The following TAFA2 variants were observed in gnomAD, a reference collection of about 807,000 sequenced individuals.
The protein encoded by TAFA2 is chemokine-like protein TAFA-2.
In TAFA2, 7 loss-of-function variants were observed where a neutral mutation model predicts 18.8. The ratio of observed to expected loss-of-function variants is 0.37; its 90% CI spans 0.21 to 0.70. The LOEUF is 0.70. Among genes scored for constraint, TAFA2 ranks in the 30% least tolerant of loss-of-function variants. The pLI is 0.53. For missense variants in TAFA2, 122 were observed against 158.1 expected (o/e 0.77, Z 1.23); for synonymous variants, 60 against 54.2 (o/e 1.11, Z -0.47).
Position 61,811,519 on chromosome 12 carries a change from G to A in TAFA2, c.106+55801C>T, listed in dbSNP as rs540884482. Among the ~76,000 whole-genome samples, 19 of 151,540 alleles carry A rather than the reference G, an allele frequency of 1.3e-4. 1 individual carries two copies. In the South Asian group the frequency reaches 3.1e-3, roughly 25 times the overall value. On this transcript the variant is annotated intron_variant, in intron 2 of 4. Transcript: ENST00000416284. ...CAAAGACTGTGGGAAATAGAAATAC[G>A]TAAAGGACATGAACTATGACACAAG...
chr12:62,018,307 C>T (rs1429611268), intron 1 of TAFA2, among the ~76,000 whole-genome samples: 1 of 152,166 alleles, frequency 6.6e-6, no homozygotes, highest in African/African-American at 2.4e-5. Context: ...GTGAAATCCC[C>T]AGTATTATTA....
chr12:61,836,794 A>C (rs1872951999), intron 2 of TAFA2, among the ~76,000 whole-genome samples: 1 of 127,650 alleles, frequency 7.8e-6, no homozygotes, highest in Non-Finnish European at 1.8e-5. Context: ...TCATTGTTAT[A>C]ATATACTTTT....
intron 2 of TAFA2, among the ~76,000 whole-genome samples, chr12:61,849,697 G>A (rs534944425): frequency 3.0e-4 from 46 of 152,150 alleles, no homozygotes; most frequent in Non-Finnish European, 5.1e-4. Flanking sequence ...TAAGGAAGGC[G>A]TTCACAGAGC....
Position 61,710,304 on chromosome 12 carries a change from C to A in TAFA2, c.*102G>T. ...GAAATAGACTATTGAGCGCCTCTTT[C>A]AAGTGGTATAAAAATCTTCAAGATC... On this transcript the variant is annotated 3_prime_UTR_variant, in exon 5 of 5. Transcript: ENST00000416284. 9.2e-7 allele frequency: 1 copy of A among 1,083,982 alleles called. No homozygotes were observed. The highest frequency in any genetic ancestry group is 1.3e-5 in the South Asian group (1 of 77,290). The allele number at this position is 1,083,982 out of a possible 1,614,324, so 67.1% of individuals were successfully genotyped here.
At chr12:61,859,264 A>T (rs529295107) in intron 2 of TAFA2, among the ~76,000 whole-genome samples, 1 of 152,252 alleles carries the variant, frequency 6.6e-6, no homozygotes, top group South Asian at 2.1e-4. Flanking sequence ...AAACCATCAG[A>T]TCTCGTGAGA....
chr12:61,950,954 G>A (rs1447886472), intron 1 of TAFA2, among the ~76,000 whole-genome samples: 2 of 152,160 alleles, frequency 1.3e-5, no homozygotes, highest in Non-Finnish European at 2.9e-5. Flanking sequence ...AGGAAAGGTA[G>A]AGTCTTCTTT....
chr12:62,057,009 C>T (rs999283977), intron 1 of TAFA2, among the ~76,000 whole-genome samples: 3 of 152,250 alleles, frequency 2.0e-5, no homozygotes, highest in East Asian at 3.9e-4. Flanking sequence ...CAAGAGTGTA[C>T]GTACCTCCAT....
chr12:62,114,175 G>A lies in TAFA2; in HGVS notation c.-2+77084C>T, dbSNP rs1315392136. On this transcript the variant is annotated intron_variant, in intron 1 of 4. Transcript: ENST00000416284. ...AAGTTGTGAAGACCATGGGAAAAGC[G>A]TAGTATCTGGGCCAGAATGCACCAT... 7.9e-5 allele frequency among the ~76,000 whole-genome samples: 12 copies of A among 152,286 alleles called. 1 individual carries two copies. Among genetic ancestry groups the A allele is most frequent in the South Asian group, 4.2e-4 (2 of 4,818 alleles).
At chr12:61,767,799 T>C (rs1869854545) in intron 2 of TAFA2, among the ~76,000 whole-genome samples, 1 of 151,514 alleles carries the variant, frequency 6.6e-6, no homozygotes, top group African/African-American at 2.4e-5. Context: ...TTTTAGTTTT[T>C]AGAAAAAAAA....
chr12:62,052,630 G>T (rs1215924949), intron 1 of TAFA2, among the ~76,000 whole-genome samples: 1 of 152,102 alleles, frequency 6.6e-6, no homozygotes, highest in Non-Finnish European at 1.5e-5. Context: ...TAAGAAGCAG[G>T]TAAGTCCCCA....
chr12:61,761,371 T>C (rs1375721667), intron 2 of TAFA2, among the ~76,000 whole-genome samples: 2 of 152,082 alleles, frequency 1.3e-5, no homozygotes, highest in Non-Finnish European at 2.9e-5. Flanking sequence ...CACATCTGAT[T>C]GATCACTTGT....
intron 1 of TAFA2, among the ~76,000 whole-genome samples, chr12:62,199,072 C>T (rs569294521): frequency 2.0e-5 from 3 of 152,324 alleles, no homozygotes; most frequent in African/African-American, 7.2e-5. Flanking sequence ...TTCTTCCCGA[C>T]TCGGTTGGGC....
At chr12:62,234,469 T>C (rs2062826369) in intron 1 of TAFA2, 6 of 1,044,430 alleles carry the variant, frequency 5.7e-6, no homozygotes, top group African/African-American at 1.6e-5. Context: ...CTTCTGGTGT[T>C]GCTTGAGATG....
chr12:61,933,638 T>C (rs531500643), intron 1 of TAFA2, among the ~76,000 whole-genome samples: 17 of 152,218 alleles, frequency 1.1e-4, no homozygotes. Flanking sequence ...ACTAAGGATC[T>C]TTTGAGCCCA....
At chr12:61,901,770 C>A (rs1462711677) in intron 1 of TAFA2, among the ~76,000 whole-genome samples, 1 of 152,114 alleles carries the variant, frequency 6.6e-6, no homozygotes, top group Non-Finnish European at 1.5e-5. Flanking sequence ...TCTCACACAA[C>A]ATCGGGAGGC....
intron 1 of TAFA2, among the ~76,000 whole-genome samples, chr12:61,908,637 G>C (rs185803417): frequency 6.6e-6 from 1 of 152,096 alleles, no homozygotes; most frequent in Non-Finnish European, 1.5e-5. Flanking sequence ...CTAGTGATAT[G>C]CAGTGCTAAG....
At chr12:62,167,867 C>CA (rs2062450651) in intron 1 of TAFA2, among the ~76,000 whole-genome samples, 1 of 152,184 alleles carries the variant, frequency 6.6e-6, no homozygotes, top group Non-Finnish European at 1.5e-5. Context: ...AAAAGACTCA[C>CA]AACCCAACTT....
chr12:62,123,059 A>T (rs1427882034), intron 1 of TAFA2, among the ~76,000 whole-genome samples: 1 of 152,152 alleles, frequency 6.6e-6, no homozygotes, highest in East Asian at 1.9e-4. Flanking sequence ...CCTATTTCAT[A>T]TTCACTTTAT....
At chr12:61,917,186 G>A (rs527694324) in intron 1 of TAFA2, among the ~76,000 whole-genome samples, 1 of 152,318 alleles carries the variant, frequency 6.6e-6, no homozygotes, top group South Asian at 2.1e-4. Flanking sequence ...TGAAGTTGTT[G>A]AGCAGGGAAA....
Sources: gnomAD v4.1 joint callset for allele counts (sites outside exome capture counted in the v4.1 genomes callset) on GRCh38, gnomAD v4.1.1 for gene constraint, MANE v1.5 for transcripts, NCBI Gene and HGNC (gene_info 2026-07-23, HGNC 2026-07-21) for gene names.